GLIS1: variants seen among roughly 807,000 people sequenced by gnomAD.
The protein encoded by GLIS1 is zinc finger protein GLIS1.
Under a neutral mutation model 63.8 loss-of-function variants are expected in GLIS1, and 24 were observed. The ratio of observed to expected loss-of-function variants is 0.38; its 90% CI spans 0.27 to 0.53. GLIS1 has a LOEUF of 0.53. Ranked by LOEUF, GLIS1 falls within the 20% of genes least tolerant of loss-of-function variation. The pLI is 0.85. For missense variants in GLIS1, 1,036 were observed against 1,074.1 expected (o/e 0.96, Z 0.50); for synonymous variants, 450 against 482.5 (o/e 0.93, Z 0.88).
At chr1:53,509,416 G>T in intron 9 of GLIS1, 129 bp from the exon 10 acceptor site, 1 of 1,020,990 alleles carries the variant, frequency 9.8e-7, no homozygotes, top group South Asian at 1.7e-5. Flanking sequence ...GAGAGAGAGA[G>T]GAGGGCCCAG....
Position 53,510,106 on chromosome 1 carries a change from C to T in GLIS1, c.1884-79G>A, listed in dbSNP as rs899926105. On this transcript the variant is annotated intron_variant, in intron 8 of 10. Coordinates refer to ENST00000628545, the MANE Select transcript of GLIS1 (RefSeq NM_001367484.1). ...AGAGGCAGGGCTGCTGCGGCTTACA[C>T]CCCTCCAGCGACGGGGAGCCCACTC... 23 of 781,938 alleles carry T rather than the reference C, an allele frequency of 2.9e-5. No homozygotes were observed. The African/African-American group carries it at 3.8e-4, about 13-fold the overall frequency. The allele number at this position is 781,938 out of a possible 1,614,324, so 48.4% of individuals were successfully genotyped here.
At chr1:53,586,977 A>G (rs532352558) in intron 4 of GLIS1, among the ~76,000 whole-genome samples, 1 of 152,194 alleles carries the variant, frequency 6.6e-6, no homozygotes, top group African/African-American at 2.4e-5. Context: ...TGTTACACAC[A>G]GCGCAACACA....
Position 53,594,946 on chromosome 1 carries a change from G to A in GLIS1, c.482C>T (p.Thr161Ile). The A allele has an allele frequency of 6.8e-7, 1 of 1,475,584 alleles. No homozygotes were observed. The allele number at this position is 1,475,584 out of a possible 1,614,324, so 91.4% of individuals were successfully genotyped here. Residue 161 changes from threonine (T) to isoleucine (I), a missense_variant, in exon 4 of 11, where the codon ACC becomes ATC. Physicochemically the swap from Thr to Ile is moderately conservative, Grantham distance 89. Coordinates refer to ENST00000628545, the MANE Select transcript of GLIS1 (RefSeq NM_001367484.1). ...QATYVNGSLP[T>I]TQHIKQESLP... ...GGACTCCTGTTTGATGTGTTGTGTGGTTGGGAGGCTGCCGTTCACATACGT... is the reference window on the plus strand; with the variant it reads ...GGACTCCTGTTTGATGTGTTGTGTGATTGGGAGGCTGCCGTTCACATACGT...
rs55985647 is a variant in GLIS1, at chr1:53,702,602, C to T, written c.259+35204G>A. Among the ~76,000 whole-genome samples, 1,377 of 152,280 alleles carry T rather than the reference C, an allele frequency of 9.0e-3. 13 individuals are homozygous for T. Among genetic ancestry groups the T allele is most frequent in the Non-Finnish European group, 0.011 (746 of 68,016 alleles). ...TCTGGGCAGGTCACACTCATAGCAACGACCTCAGATAGCAGGATGTGAGGG... is the reference window on the plus strand; with the variant it reads ...TCTGGGCAGGTCACACTCATAGCAATGACCTCAGATAGCAGGATGTGAGGG... On this transcript the variant is annotated intron_variant, in intron 2 of 10. Transcript: ENST00000628545.
chr1:53,635,349 A>C (rs1284681873), intron 2 of GLIS1, among the ~76,000 whole-genome samples: 2 of 152,188 alleles, frequency 1.3e-5, no homozygotes, highest in African/African-American at 4.8e-5. Flanking sequence ...AAATTAAGAA[A>C]CATGGCCTAC....
chr1:53,737,851 T>C lies in GLIS1; in HGVS notation c.214A>G (p.Ser72Gly). Reference sequence around the variant, plus strand: ...TTGGATGGACCGTAGTCTCGGGGACTGCGGGGCCGGAGGAGGTCGTGGGCG... The same window carrying C: ...TTGGATGGACCGTAGTCTCGGGGACCGCGGGGCCGGAGGAGGTCGTGGGCG... ...PRAHDLLRPR[S>G]PRDYGPSKAA... is the part of the protein sequence containing the mutation. Residue 72 changes from serine to glycine, a missense_variant, in exon 2 of 11, where the codon AGT becomes GGT. Physicochemically the swap from Ser to Gly is moderately conservative, Grantham distance 56 (BLOSUM62 0). Transcript: ENST00000628545. 1 of 1,231,036 alleles carries C rather than the reference T, an allele frequency of 8.1e-7. No homozygotes were observed. The highest frequency in any genetic ancestry group is 1.0e-6 in the Non-Finnish European group (1 of 987,508). The allele number at this position is 1,231,036 out of a possible 1,614,324, so 76.3% of individuals were successfully genotyped here. A position where few individuals can be genotyped will look rare whatever the true frequency, so the allele number is the denominator to read the frequency against.
chr1:53,608,110 T>C (rs1279448443), intron 2 of GLIS1, among the ~76,000 whole-genome samples: 1 of 152,114 alleles, frequency 6.6e-6, no homozygotes, highest in African/African-American at 2.4e-5. Flanking sequence ...GGACTACAGA[T>C]GTGTACCACC....
chr1:53,556,967 GGT>G (rs921776559), intron 4 of GLIS1, among the ~76,000 whole-genome samples: 4 of 151,090 alleles, frequency 2.6e-5, no homozygotes, highest in East Asian at 1.9e-4. Context: ...GCATACTGCA[GGT>G]GTGTGTGTGC....
chr1:53,728,171 T>G (rs1303990137), intron 2 of GLIS1, among the ~76,000 whole-genome samples: 1 of 152,056 alleles, frequency 6.6e-6, no homozygotes, highest in South Asian at 2.1e-4. Flanking sequence ...AGCAGGGCTA[T>G]GGCAAAAGGA....
chr1:53,632,635 AGT>A (rs1645670653), intron 2 of GLIS1, among the ~76,000 whole-genome samples: 2 of 131,346 alleles, frequency 1.5e-5, no homozygotes, highest in South Asian at 2.6e-4. Flanking sequence ...CATGTGAATG[AGT>A]GTGATTGAGG....
At chr1:53,665,002 G>T (rs1322616008) in intron 2 of GLIS1, among the ~76,000 whole-genome samples, 2 of 152,128 alleles carry the variant, frequency 1.3e-5, no homozygotes, top group African/African-American at 2.4e-5. Flanking sequence ...GGGCGAGGGG[G>T]GCACTGCTGC....
At chr1:53,690,608 G>A (rs1646392809) in intron 2 of GLIS1, among the ~76,000 whole-genome samples, 1 of 152,248 alleles carries the variant, frequency 6.6e-6, no homozygotes, top group Admixed American at 6.5e-5. Flanking sequence ...CAGAATGCCA[G>A]GGCCGTCTCT....
At chr1:53,707,649 CAAA>C (rs1176045460) in intron 2 of GLIS1, among the ~76,000 whole-genome samples, 1 of 125,634 alleles carries the variant, frequency 8.0e-6, no homozygotes. Context: ...GACTCCGTCT[CAAA>C]AAAAAAAAAG....
intron 2 of GLIS1, among the ~76,000 whole-genome samples, chr1:53,685,713 A>C (rs1646328944): frequency 6.6e-6 from 1 of 152,088 alleles, no homozygotes. Context: ...GTCAGTTGTC[A>C]GGTCTCAAAT....
intron 2 of GLIS1, among the ~76,000 whole-genome samples, chr1:53,688,119 C>T (rs1019198488): frequency 2.0e-5 from 3 of 152,226 alleles, no homozygotes; most frequent in Non-Finnish European, 2.9e-5. Context: ...CAGGCTCTGG[C>T]CCTGTGTGTG....
intron 2 of GLIS1, among the ~76,000 whole-genome samples, chr1:53,644,427 G>T (rs558837194): frequency 6.6e-6 from 1 of 152,342 alleles, no homozygotes; most frequent in African/African-American, 2.4e-5. Flanking sequence ...ATGTTTGGGA[G>T]AAGACAGTGA....
rs575457041 is a variant in GLIS1 at position 53,658,205 on chromosome 1, A to G, written c.260-57927T>C. Among the ~76,000 whole-genome samples the G allele has an allele frequency of 3.3e-5, 5 of 152,268 alleles. No individual in the cohort carries two copies. The South Asian group carries it at 8.3e-4, about 25-fold the overall frequency. ...AACTCCTATGCATCCTTCAGGGCCC[A>G]GCTAAAATCCAGGGCATTTATTGGC... On this transcript the variant is annotated intron_variant, in intron 2 of 10. Coordinates refer to ENST00000628545, the MANE Select transcript of GLIS1 (RefSeq NM_001367484.1).
At chr1:53,657,933 T>C (rs182831914) in intron 2 of GLIS1, among the ~76,000 whole-genome samples, 10 of 152,260 alleles carry the variant, frequency 6.6e-5, no homozygotes, top group African/African-American at 1.7e-4. Context: ...CCTCATCCTC[T>C]CAGCCTGGGC....
chr1:53,561,873 C>A (rs1644895572), intron 4 of GLIS1, among the ~76,000 whole-genome samples: 1 of 152,198 alleles, frequency 6.6e-6, no homozygotes, highest in African/African-American at 2.4e-5. Flanking sequence ...CCTCACCACG[C>A]ACCTAGAGCA....
Sources: gnomAD v4.1 joint callset for allele counts (sites outside exome capture counted in the v4.1 genomes callset) on GRCh38, gnomAD v4.1.1 for gene constraint, MANE v1.5 for transcripts, NCBI Gene and HGNC (gene_info 2026-07-23, HGNC 2026-07-21) for gene names.